Variants in PRR14L observed in about 807,000 individuals in gnomAD.
PRR14L encodes the protein proline rich 14 like, also known as protein PRR14L.
In PRR14L, 80 loss-of-function variants were observed where a neutral mutation model predicts 155.0. The observed-to-expected ratio is 0.52, with a 90% CI of 0.43 to 0.62. The LOEUF (loss-of-function observed/expected upper bound fraction) is 0.62. Ranked by LOEUF, PRR14L falls within the 20% of genes least tolerant of loss-of-function variation. The pLI is 0.00. For missense variants in PRR14L, 2,469 were observed against 2,548.0 expected, an observed-to-expected ratio of 0.97 and a Z score of 0.67; for synonymous variants, 883 against 916.0, an observed-to-expected ratio of 0.96 and a Z score of 0.65.
chr22:31,720,247 G>C (rs1178249230), intron 3 of PRR14L, among the ~76,000 whole-genome samples: 2 of 152,098 alleles, frequency 1.3e-5, no homozygotes, highest in African/African-American at 4.8e-5. Flanking sequence ...AACTAGGCTA[G>C]ACACAGCGTT....
intron 3 of PRR14L, among the ~76,000 whole-genome samples, chr22:31,717,990 C>T (rs2074669420): frequency 6.7e-6 from 1 of 150,352 alleles, no homozygotes; most frequent in African/African-American, 2.5e-5. Flanking sequence ...TGCAGTGGCA[C>T]GATATTGGCT....
Position 31,685,647 on chromosome 22 carries a change from G to A in PRR14L, c.6336C>T (p.Thr2112=). The A allele has an allele frequency of 6.4e-7, 1 of 1,551,788 alleles. No individual in the cohort carries two copies. Among genetic ancestry groups the A allele is most frequent in the South Asian group, 1.2e-5 (1 of 84,050 alleles). ...RGKVKVAGSF[T]RAQKAAVQSR... is the part of the protein sequence containing the mutation. ...TCTGCACAGCTGCCTTCTGGGCCCT[G>A]GTAAAGCTGCCTGCCACCTTGACTT... The change falls in exon 9 of 9, where the codon ACC becomes ACT. Residue 2112 remains threonine (T), a synonymous_variant. Coordinates refer to ENST00000327423, the MANE Select transcript of PRR14L (RefSeq NM_173566.3).
At position 31,715,157 on chromosome 22, in the gene PRR14L, A is replaced by G. The variant is rs1348569689; in HGVS notation, c.2682T>C (p.Ser894=). 7 of 1,551,902 alleles carry G rather than the reference A, an allele frequency of 4.5e-6. No homozygotes were observed. In the South Asian group the frequency reaches 5.9e-5, roughly 13 times the overall value. The change falls in exon 4 of 9, where the codon AGT becomes AGC. Residue 894 remains serine, a synonymous_variant. Transcript: ENST00000327423. ...GCCCTTCCTCACTGAGTTTGATGCTACTGGAGGTGTGAATGGTTTTGTTTG... is the reference window on the plus strand; with the variant it reads ...GCCCTTCCTCACTGAGTTTGATGCTGCTGGAGGTGTGAATGGTTTTGTTTG... ...GISNKTIHTS[S]SIKLSEEGLE...
At position 31,705,562 on chromosome 22, in the gene PRR14L, TG is replaced by T. The variant is rs374264960; in HGVS notation, c.5757-837del. On this transcript the variant is annotated intron_variant, in intron 4 of 8. Coordinates refer to ENST00000327423, the MANE Select transcript of PRR14L (RefSeq NM_173566.3). ...GTAATTTTTGTATTTTTAGTAGAGA[TG>T]GGGTTTCACCATATTGGCCAGGCTG... Among the ~76,000 whole-genome samples, 37 of 151,958 alleles carry T rather than the reference TG, an allele frequency of 2.4e-4. No homozygotes were observed. The East Asian group carries it at 5.9e-3, about 24-fold the overall frequency.
At chr22:31,710,666 G>A (rs940311179) in intron 4 of PRR14L, among the ~76,000 whole-genome samples, 2 of 152,042 alleles carry the variant, frequency 1.3e-5, no homozygotes, top group Non-Finnish European at 1.5e-5. Flanking sequence ...GTGTTAGCCA[G>A]GATGGTCTCG....
intron 3 of PRR14L, among the ~76,000 whole-genome samples, chr22:31,722,040 T>C (rs1303198378): frequency 6.6e-6 from 1 of 152,040 alleles, no homozygotes; most frequent in Non-Finnish European, 1.5e-5. Context: ...CAAAACGTAA[T>C]AAATAAAATC....
chr22:31,745,364 G>A (rs553989028), intron 1 of PRR14L, among the ~76,000 whole-genome samples: 17 of 152,022 alleles, frequency 1.1e-4, no homozygotes, highest in Admixed American at 2.0e-4. Context: ...GCGACAGAGC[G>A]AGACTCCGTC....
intron 2 of PRR14L, among the ~76,000 whole-genome samples, chr22:31,728,608 C>CG (rs1250841772): frequency 8.9e-5 from 10 of 112,698 alleles, no homozygotes; most frequent in African/African-American, 1.4e-4. Context: ...GACTTCATCT[C>CG]GAAAAAAAAA....
chr22:31,690,970 T>C (rs1341607232), intron 7 of PRR14L, among the ~76,000 whole-genome samples: 3 of 135,466 alleles, frequency 2.2e-5, no homozygotes, highest in Non-Finnish European at 3.1e-5. Flanking sequence ...TTTCTATTTC[T>C]TTTTTTTTTT....
chr22:31,725,616 G>A lies in PRR14L; in HGVS notation c.475-6C>T. Reference sequence around the variant, plus strand: ...GACTGCATCAGGAGATCCTCCTACAGTAAGAAAATCCAGTGGTCAAGGGGG... The same window carrying A: ...GACTGCATCAGGAGATCCTCCTACAATAAGAAAATCCAGTGGTCAAGGGGG... On this transcript the variant is annotated splice_polypyrimidine_tract_variant and splice_region_variant and intron_variant, in intron 2 of 8. Coordinates refer to ENST00000327423, the MANE Select transcript of PRR14L (RefSeq NM_173566.3). The A allele has an allele frequency of 6.5e-7, 1 of 1,540,974 alleles. No individual in the cohort carries two copies. The highest frequency in any genetic ancestry group is 1.2e-5 in the South Asian group (1 of 83,790).
intron 3 of PRR14L, among the ~76,000 whole-genome samples, chr22:31,723,993 C>T (rs570837357): frequency 2.0e-5 from 3 of 152,326 alleles, no homozygotes; most frequent in African/African-American, 7.2e-5. Flanking sequence ...GCTTGCATTA[C>T]TGCCTGAGCT....
Position 31,703,534 on chromosome 22 carries a change from A to T in PRR14L, c.6000+16T>A. 6.2e-7 allele frequency: 1 copy of T among 1,608,440 alleles called. No individual in the cohort carries two copies. Among genetic ancestry groups the T allele is most frequent in the Non-Finnish European group, 8.5e-7 (1 of 1,177,660 alleles). On this transcript the variant is annotated intron_variant, in intron 6 of 8. Coordinates refer to ENST00000327423, the MANE Select transcript of PRR14L (RefSeq NM_173566.3). ...AATGCCACCATCATCTGACCCAACC[A>T]GCACTTTACACTTACCTCTTTCTGT... is the stretch of plus-strand genomic sequence containing the variant.
chr22:31,718,402 CCCA>C (rs983718664), intron 3 of PRR14L, among the ~76,000 whole-genome samples: 3 of 152,032 alleles, frequency 2.0e-5, no homozygotes, highest in Non-Finnish European at 4.4e-5. Context: ...ACTACAGACG[CCCA>C]CCACCACACC....
At chr22:31,743,936 A>T (rs973980754) in intron 1 of PRR14L, among the ~76,000 whole-genome samples, 1 of 151,272 alleles carries the variant, frequency 6.6e-6, no homozygotes, top group African/African-American at 2.4e-5. Context: ...TGAATAACTG[A>T]GTCTTTGAGT....
At chr22:31,747,750 G>A (rs747226159) in intron 1 of PRR14L, among the ~76,000 whole-genome samples, 1 of 151,274 alleles carries the variant, frequency 6.6e-6, no homozygotes, top group Non-Finnish European at 1.5e-5. Flanking sequence ...AAAAAAAGAT[G>A]GTAAGCGTTT....
intron 1 of PRR14L, among the ~76,000 whole-genome samples, chr22:31,744,874 C>T (rs1478636185): frequency 2.6e-5 from 4 of 152,136 alleles, no homozygotes; most frequent in Admixed American, 1.3e-4. Flanking sequence ...AATGGTTCAC[C>T]TCTTGATACT....
At chr22:31,740,612 T>C (rs1194372995) in intron 1 of PRR14L, among the ~76,000 whole-genome samples, 2 of 151,996 alleles carry the variant, frequency 1.3e-5, no homozygotes, top group African/African-American at 2.4e-5. Context: ...CCTCCTGCCT[T>C]GGCCCCGCAA....
At chr22:31,725,837 T>A (rs1355350321) in intron 2 of PRR14L, among the ~76,000 whole-genome samples, 2 of 151,994 alleles carry the variant, frequency 1.3e-5, no homozygotes, top group Non-Finnish European at 2.9e-5. Context: ...CCTGGCTAAT[T>A]TTTGTATTTC....
In PRR14L at chr22:31,685,356, G is replaced by A; in HGVS notation, c.*171C>T. 1.7e-6 allele frequency: 1 copy of A among 602,598 alleles called. No homozygotes were observed. Among genetic ancestry groups the A allele is most frequent in the Non-Finnish European group, 2.9e-6 (1 of 346,380 alleles). The allele number at this position is 602,598 out of a possible 1,614,324, so 37.3% of individuals were successfully genotyped here. A position where few individuals can be genotyped will look rare whatever the true frequency, so the allele number is the denominator to read the frequency against. On this transcript the variant is annotated 3_prime_UTR_variant, in exon 9 of 9. Coordinates refer to ENST00000327423, the MANE Select transcript of PRR14L (RefSeq NM_173566.3). ...ACCCTCCTTCACCAGTTTCTAAAAA[G>A]GTTGCACCTTGAAATAGGTAAAAAT...
Sources: allele counts gnomAD v4.1 joint callset (sites outside exome capture counted in the v4.1 genomes callset), GRCh38; gene constraint gnomAD v4.1.1; transcripts MANE v1.5; gene names NCBI Gene and HGNC (gene_info 2026-07-23, HGNC 2026-07-21).